The following KCNT2 variants were observed in gnomAD, a reference collection of about 807,000 sequenced individuals.
KCNT2 encodes potassium sodium-activated channel subfamily T member 2, also known as potassium channel subfamily T member 2.
In KCNT2, 67 loss-of-function variants were observed where a neutral mutation model predicts 153.8. The ratio of observed to expected loss-of-function variants is 0.44; its 90% CI spans 0.36 to 0.53. The LOEUF (loss-of-function observed/expected upper bound fraction) is 0.53. Ranked by LOEUF, KCNT2 falls within the 20% of genes least tolerant of loss-of-function variation. KCNT2 has a pLI of 0.00. For synonymous variants in KCNT2, 500 were observed against 458.8 expected (o/e 1.09, Z -1.15); for missense variants, 975 against 1,354.8 (o/e 0.72, Z 4.40).
intron 1 of KCNT2, among the ~76,000 whole-genome samples, chr1:196,586,027 G>T (rs1482201268): frequency 4.6e-5 from 7 of 152,058 alleles, no homozygotes; most frequent in Non-Finnish European, 7.4e-5. Flanking sequence ...CAAAGTGGCA[G>T]ATATCTTGAG....
At chr1:196,358,208 T>A (rs1393130898) in intron 14 of KCNT2, among the ~76,000 whole-genome samples, 1 of 151,828 alleles carries the variant, frequency 6.6e-6, no homozygotes, top group Non-Finnish European at 1.5e-5. Flanking sequence ...AAATCCTAAA[T>A]ATTTCTATGA....
chr1:196,401,699 G>A (rs868719168), intron 12 of KCNT2, among the ~76,000 whole-genome samples: 4 of 151,264 alleles, frequency 2.6e-5, no homozygotes, highest in East Asian at 2.0e-4. Flanking sequence ...TGTGTAACAC[G>A]GTAAAAAGGT....
At chr1:196,466,822 T>C (rs545354866) in intron 7 of KCNT2, among the ~76,000 whole-genome samples, 5 of 152,060 alleles carry the variant, frequency 3.3e-5, no homozygotes, top group Non-Finnish European at 7.4e-5. Flanking sequence ...GCCTTACAGC[T>C]AGCTTTGAAG....
intron 12 of KCNT2, among the ~76,000 whole-genome samples, chr1:196,418,120 G>A (rs953031578): frequency 6.6e-6 from 1 of 151,860 alleles, no homozygotes; most frequent in East Asian, 1.9e-4. Flanking sequence ...TTTGACATTT[G>A]TTAGTTTTCT....
At chr1:196,344,641 C>G (rs892845379) in intron 14 of KCNT2, among the ~76,000 whole-genome samples, 9 of 152,054 alleles carry the variant, frequency 5.9e-5, no homozygotes, top group Admixed American at 5.9e-4. Flanking sequence ...AGCATGAGGT[C>G]AACTAATTGT....
intron 13 of KCNT2, among the ~76,000 whole-genome samples, chr1:196,383,740 A>G (rs1748510): frequency 7.2e-4 from 110 of 152,298 alleles, no homozygotes; most frequent in Non-Finnish European, 1.4e-3. Flanking sequence ...CACGCATTCT[A>G]TGAAGACTAA....
chr1:196,312,100 A>C (rs549877001), intron 21 of KCNT2, among the ~76,000 whole-genome samples: 1 of 151,834 alleles, frequency 6.6e-6, no homozygotes, highest in South Asian at 2.1e-4. Context: ...AGCTCTTTGT[A>C]CTGGGATGGC....
chr1:196,358,672 T>C (rs1667373256), intron 14 of KCNT2, among the ~76,000 whole-genome samples: 1 of 152,034 alleles, frequency 6.6e-6, no homozygotes, highest in African/African-American at 2.4e-5. Context: ...TTTTTAAATA[T>C]TATAGTTTTG....
chr1:196,587,426 A>C (rs1372747719), intron 1 of KCNT2, among the ~76,000 whole-genome samples: 1 of 152,076 alleles, frequency 6.6e-6, no homozygotes, highest in Non-Finnish European at 1.5e-5. Context: ...TACCCTCAAC[A>C]GCTCTAATAT....
intron 4 of KCNT2, among the ~76,000 whole-genome samples, chr1:196,480,420 A>T (rs1341921629): frequency 6.6e-6 from 1 of 152,200 alleles, no homozygotes; most frequent in South Asian, 2.1e-4. Flanking sequence ...GTAGCCAGGC[A>T]TTATTATGAT....
At chr1:196,371,804 A>T (rs924150302) in intron 14 of KCNT2, among the ~76,000 whole-genome samples, 4 of 152,078 alleles carry the variant, frequency 2.6e-5, no homozygotes, top group African/African-American at 9.7e-5. Flanking sequence ...TGCACAACGA[A>T]ATTTAACTTC....
At chr1:196,245,705 T>C (rs1256353144) in intron 26 of KCNT2, among the ~76,000 whole-genome samples, 1 of 151,754 alleles carries the variant, frequency 6.6e-6, no homozygotes, top group African/African-American at 2.4e-5. Context: ...AATTCTAGAG[T>C]TGAAAAATGC....
At chr1:196,332,829 G>T (rs1378506107) in intron 17 of KCNT2, among the ~76,000 whole-genome samples, 1 of 148,384 alleles carries the variant, frequency 6.7e-6, no homozygotes, top group Non-Finnish European at 1.5e-5. Context: ...CTGTCGCCCT[G>T]GCTGGACTGC....
At chr1:196,503,049 AT>A (rs1395577454) in intron 1 of KCNT2, among the ~76,000 whole-genome samples, 1 of 152,096 alleles carries the variant, frequency 6.6e-6, no homozygotes, top group African/African-American at 2.4e-5. Flanking sequence ...GCGTTTATTC[AT>A]TTTTATACTA....
At chr1:196,502,950 C>A (rs553534966) in intron 1 of KCNT2, among the ~76,000 whole-genome samples, 1 of 151,958 alleles carries the variant, frequency 6.6e-6, no homozygotes, top group Non-Finnish European at 1.5e-5. Context: ...CCTCTTCATG[C>A]CCCCTGCCCA....
intron 13 of KCNT2, among the ~76,000 whole-genome samples, chr1:196,380,565 C>A (rs935691130): frequency 1.3e-5 from 2 of 152,126 alleles, no homozygotes; most frequent in Non-Finnish European, 2.9e-5. Context: ...TGCAGTAAAC[C>A]AATCTAGTGC....
intron 14 of KCNT2, among the ~76,000 whole-genome samples, chr1:196,349,316 C>T (rs754136511): frequency 4.6e-5 from 7 of 152,068 alleles, no homozygotes; most frequent in Non-Finnish European, 5.9e-5. Context: ...AGGCAGATCC[C>T]ATTTCTTTAA....
In KCNT2 at chr1:196,490,247, G is replaced by A. The variant is rs1679756721; in HGVS notation, c.176-310C>T. Among the ~76,000 whole-genome samples the A allele has an allele frequency of 2.0e-5, 3 of 151,580 alleles. No homozygotes were observed. The South Asian group carries it at 6.2e-4, about 31-fold the overall frequency. ...GTCCAATCGAGGTTGATTAAAGTAT[G>A]TTTATATGTTTAAGCATTTTATACA... On this transcript the variant is annotated intron_variant, in intron 2 of 27. Transcript: ENST00000294725.
intron 22 of KCNT2, among the ~76,000 whole-genome samples, chr1:196,293,520 T>A (rs1031779846): frequency 1.3e-5 from 2 of 152,118 alleles, no homozygotes; most frequent in Non-Finnish European, 2.9e-5. Context: ...GCCTATTGAT[T>A]TTTTTAACAA....
Sources: gnomAD v4.1 joint callset for allele counts (sites outside exome capture counted in the v4.1 genomes callset) on GRCh38, gnomAD v4.1.1 for gene constraint, MANE v1.5 for transcripts, NCBI Gene and HGNC (gene_info 2026-07-23, HGNC 2026-07-21) for gene names.